The following TRA2A variants were observed in gnomAD, a reference collection of about 807,000 sequenced individuals.
TRA2A encodes the protein transformer-2 protein homolog alpha.
TRA2A carries 31 observed loss-of-function variants against 45.7 expected under a neutral mutation model. That is an observed-to-expected ratio of 0.68 (90% confidence interval 0.51 to 0.92). The LOEUF (loss-of-function observed/expected upper bound fraction) is 0.92. Ranked by LOEUF, TRA2A falls within the 40% of genes least tolerant of loss-of-function variation. TRA2A has a pLI of 0.00. For missense variants in TRA2A, 304 were observed against 367.5 expected (o/e 0.83, Z 1.41); for synonymous variants, 132 against 126.2 (o/e 1.05, Z -0.31).
chr7:23,526,754 A>G (rs749309731), intron 1 of TRA2A, among the ~76,000 whole-genome samples: 2 of 152,194 alleles, frequency 1.3e-5, no homozygotes, highest in Non-Finnish European at 2.9e-5. Flanking sequence ...AAATTGAAAT[A>G]ATAATTTCCC....
At chr7:23,512,003 G>C (rs1562789699) in intron 4 of TRA2A, among the ~76,000 whole-genome samples, 1 of 152,186 alleles carries the variant, frequency 6.6e-6, no homozygotes, top group South Asian at 2.1e-4. Flanking sequence ...GTAATCATCT[G>C]TTTGGAGCAT....
intron 1 of TRA2A, among the ~76,000 whole-genome samples, chr7:23,528,396 C>A (rs539453834): frequency 8.3e-4 from 127 of 152,170 alleles, no homozygotes; most frequent in African/African-American, 3.0e-3. Flanking sequence ...TTAGTAGAGA[C>A]TGTATTTCAC....
intron 5 of TRA2A, 75 bp from the exon 6 acceptor site, chr7:23,506,341 C>CT: frequency 7.2e-7 from 1 of 1,394,172 alleles, no homozygotes. Context: ...AATTGAATGG[C>CT]TTAAAAAAGA....
At chr7:23,506,417 T>G in intron 5 of TRA2A, 151 bp from the exon 6 acceptor site, 1 of 966,716 alleles carries the variant, frequency 1.0e-6, no homozygotes, top group Non-Finnish European at 1.5e-6. Flanking sequence ...CTGACTCCCA[T>G]GGTATTCTGG....
intron 1 of TRA2A, among the ~76,000 whole-genome samples, chr7:23,526,957 C>T (rs78867023): frequency 0.056 from 8,483 of 152,108 alleles, 807 homozygotes; most frequent in African/African-American, 0.2. Flanking sequence ...ATTGTGAAAT[C>T]ACCTGTAAAA....
intron 4 of TRA2A, among the ~76,000 whole-genome samples, chr7:23,511,005 T>G (rs1208875985): frequency 6.6e-6 from 1 of 152,090 alleles, no homozygotes; most frequent in Non-Finnish European, 1.5e-5. Flanking sequence ...TGCCAGCTTG[T>G]GTACTGTATG....
intron 2 of TRA2A, among the ~76,000 whole-genome samples, chr7:23,519,570 C>T (rs888596341): frequency 1.4e-4 from 22 of 152,024 alleles, no homozygotes; most frequent in Non-Finnish European, 2.5e-4. Flanking sequence ...AACAAACAAA[C>T]AAACAAACTC....
At chr7:23,506,305 A>C (rs750342459) in intron 5 of TRA2A, 39 bp from the exon 6 acceptor site, 4 of 1,545,506 alleles carry the variant, frequency 2.6e-6, no homozygotes, top group Non-Finnish European at 3.5e-6. Flanking sequence ...AGTGTGAATG[A>C]CTATTTTCCA....
At chr7:23,518,364 CAG>C (rs1251846013) in intron 2 of TRA2A, among the ~76,000 whole-genome samples, 1 of 151,930 alleles carries the variant, frequency 6.6e-6, no homozygotes, top group Non-Finnish European at 1.5e-5. Flanking sequence ...TTTTTGGAGA[CAG>C]AGTCTCACTT....
intron 2 of TRA2A, among the ~76,000 whole-genome samples, chr7:23,517,988 G>T (rs1320889250): frequency 6.6e-6 from 1 of 151,528 alleles, no homozygotes; most frequent in Non-Finnish European, 1.5e-5. Context: ...GCCCAGGCTG[G>T]AGTGCAGTGG....
At chr7:23,511,434 C>A (rs1296004916) in intron 4 of TRA2A, among the ~76,000 whole-genome samples, 1 of 135,932 alleles carries the variant, frequency 7.4e-6, no homozygotes, top group East Asian at 2.2e-4. Context: ...AAGAAAAACA[C>A]CCTGATTATT....
rs371001619 is a variant in TRA2A, at chr7:23,506,333, T to C, written c.642-67A>G. ...ATTTTCCAGGACACTTTAATACAAATTGAATGGCTTAAAAAAGAGAAAAGT... is the reference window on the plus strand; with the variant it reads ...ATTTTCCAGGACACTTTAATACAAACTGAATGGCTTAAAAAAGAGAAAAGT... On this transcript the variant is annotated intron_variant, in intron 5 of 7. Transcript: ENST00000297071. 40 of 1,417,634 alleles carry C rather than the reference T, an allele frequency of 2.8e-5. No individual in the cohort carries two copies. In the Middle Eastern group the frequency reaches 9.2e-4, roughly 33 times the overall value. The allele number at this position is 1,417,634 out of a possible 1,614,324, so 87.8% of individuals were successfully genotyped here.
At chr7:23,509,940 C>G (rs1789519223) in intron 4 of TRA2A, among the ~76,000 whole-genome samples, 1 of 152,122 alleles carries the variant, frequency 6.6e-6, no homozygotes, top group Non-Finnish European at 1.5e-5. Context: ...GTGGGAAGAT[C>G]ACTTGAGCCT....
In TRA2A at chr7:23,517,503, A is replaced by AAAAAAAAAAAG. The variant is rs764849438; in HGVS notation, c.171-976_171-975insCTTTTTTTTTT. On this transcript the variant is annotated intron_variant, in intron 2 of 7. Coordinates refer to ENST00000297071, the MANE Select transcript of TRA2A (RefSeq NM_013293.5). Reference sequence around the variant, plus strand: ...AAAAAAAAAAAAAAAAAAAAAAAAAAAGAGAGAAAGAAAGAAAAATCACTT... The same window carrying AAAAAAAAAAAG: ...AAAAAAAAAAAAAAAAAAAAAAAAAAAAAAAAAAAAGAGAGAGAAAGAAAGAAAAATCACTT... Among the ~76,000 whole-genome samples the AAAAAAAAAAAG allele has an allele frequency of 4.8e-3, 552 of 116,130 alleles. 40 individuals carry two copies. Among genetic ancestry groups the AAAAAAAAAAAG allele is most frequent in the African/African-American group, 7.0e-3 (216 of 30,830 alleles). The allele number at this position is 116,130 out of a possible 152,430, so 76.2% of individuals were successfully genotyped here.
Position 23,516,372 on chromosome 7 carries a change from AG to A in TRA2A, c.326del (p.Thr109MetfsTer37). ...HSPMSNRRRH[T>X]GSRANPDPNT... is the part of the protein sequence containing the mutation. The stretch of plus-strand genomic sequence containing the variant: ...TTTATAAACCACGTACCCTGCTGCC[AG>A]TATGTCTTCTCCGGTTAGACATTGG... On this transcript the variant is annotated frameshift_variant, in exon 3 of 8. Coordinates refer to ENST00000297071, the MANE Select transcript of TRA2A (RefSeq NM_013293.5). LOFTEE classifies it high-confidence loss of function. 1.2e-6 allele frequency: 2 copies of A among 1,614,234 alleles called. No individual in the cohort carries two copies. Among genetic ancestry groups the A allele is most frequent in the Non-Finnish European group, 1.7e-6 (2 of 1,180,038 alleles).
chr7:23,505,930 A>G, intron 6 of TRA2A, 117 bp from the exon 7 acceptor site: 2 of 724,506 alleles, frequency 2.8e-6, no homozygotes, highest in Non-Finnish European at 4.4e-6. Context: ...ACTACTTAAT[A>G]TTAAGTTCTC....
At position 23,512,228 on chromosome 7, in the gene TRA2A, A is replaced by G. The variant is rs575452263; in HGVS notation, c.525+666T>C. ...TTAGAAAGGACACAACAGGCCATGT[A>G]TGATGGCTCATGCCTGTAAACCCAG... is the stretch of plus-strand genomic sequence containing the variant. On this transcript the variant is annotated intron_variant, in intron 4 of 7. Coordinates refer to ENST00000297071, the MANE Select transcript of TRA2A (RefSeq NM_013293.5). 8.5e-5 allele frequency among the ~76,000 whole-genome samples: 13 copies of G among 152,330 alleles called. No individual in the cohort carries two copies. In the South Asian group the frequency reaches 2.7e-3, roughly 32 times the overall value.
intron 3 of TRA2A, among the ~76,000 whole-genome samples, chr7:23,515,909 T>C (rs1789846234): frequency 1.3e-5 from 2 of 149,926 alleles, no homozygotes; most frequent in Admixed American, 1.3e-4. Flanking sequence ...GCATGGTAGC[T>C]CACGCCTGTA....
chr7:23,511,097 C>T (rs1046184907), intron 4 of TRA2A, among the ~76,000 whole-genome samples: 5 of 151,936 alleles, frequency 3.3e-5, no homozygotes, highest in Admixed American at 1.3e-4. Flanking sequence ...TTTGGCCAGG[C>T]GCGGTGGCTC....
Sources: gnomAD v4.1 joint callset for allele counts (sites outside exome capture counted in the v4.1 genomes callset) on GRCh38, gnomAD v4.1.1 for gene constraint, MANE v1.5 for transcripts, NCBI Gene and HGNC (gene_info 2026-07-23, HGNC 2026-07-21) for gene names.